ESRRG: variants seen among roughly 807,000 people sequenced by gnomAD.
The protein encoded by ESRRG is estrogen related receptor gamma.
Under a neutral mutation model 44.0 loss-of-function variants are expected in ESRRG, and 13 were observed. The observed-to-expected ratio is 0.30, with a 90% CI of 0.19 to 0.47. The LOEUF is 0.47. ESRRG is among the 20% of genes least tolerant of loss of function. The probability of loss-of-function intolerance (pLI) is 1.00; values close to 1 mark genes in which losing one functional copy is unlikely to be tolerated. For synonymous variants in ESRRG, 215 were observed against 214.6 expected, an observed-to-expected ratio of 1.00 and a Z score of -0.02; for missense variants, 395 against 580.6, an observed-to-expected ratio of 0.68 and a Z score of 3.29.
At chr1:216,620,510 G>C (rs1460718995) in intron 3 of ESRRG, among the ~76,000 whole-genome samples, 1 of 152,050 alleles carries the variant, frequency 6.6e-6, no homozygotes, top group East Asian at 1.9e-4. Flanking sequence ...TACCACTTAA[G>C]GACTGGCAAA....
chr1:216,672,705 A>G (rs1218691561), intron 2 of ESRRG, among the ~76,000 whole-genome samples: 3 of 152,048 alleles, frequency 2.0e-5, no homozygotes, highest in Non-Finnish European at 4.4e-5. Flanking sequence ...CCGTCTCTAC[A>G]AAAGAGTGAA....
At chr1:217,116,468 T>C (rs1169686552) in intron 1 of ESRRG, among the ~76,000 whole-genome samples, 1 of 152,202 alleles carries the variant, frequency 6.6e-6, no homozygotes, top group African/African-American at 2.4e-5. Context: ...CTACTTGAAA[T>C]ACAACATGAT....
At chr1:216,977,522 C>A (rs554765233) in intron 1 of ESRRG, among the ~76,000 whole-genome samples, 1 of 152,058 alleles carries the variant, frequency 6.6e-6, no homozygotes, top group Non-Finnish European at 1.5e-5. Context: ...GAAGCTGTAA[C>A]CCTTACTGAA....
chr1:217,118,116 C>T (rs1156819451), intron 1 of ESRRG, among the ~76,000 whole-genome samples: 1 of 152,152 alleles, frequency 6.6e-6, no homozygotes, highest in Non-Finnish European at 1.5e-5. Flanking sequence ...CTCAACAACC[C>T]TATGCAATAA....
chr1:216,633,780 G>A (rs2064729940), intron 3 of ESRRG, among the ~76,000 whole-genome samples: 1 of 152,128 alleles, frequency 6.6e-6, no homozygotes, highest in Admixed American at 6.5e-5. Flanking sequence ...TACATGACAT[G>A]CTTTCATGAC....
At chr1:216,969,248 T>A (rs906323825) in intron 1 of ESRRG, among the ~76,000 whole-genome samples, 1 of 152,184 alleles carries the variant, frequency 6.6e-6, no homozygotes, top group South Asian at 2.1e-4. Context: ...GGAGAATAAA[T>A]GTAAACATAG....
rs2073042035 is a variant in ESRRG, at chr1:216,976,915, C to T, written c.-105-37242G>A. Among the ~76,000 whole-genome samples the T allele has an allele frequency of 2.0e-5, 3 of 152,066 alleles. No individual in the cohort carries two copies. The South Asian group carries it at 6.2e-4, about 32-fold the overall frequency. On this transcript the variant is annotated intron_variant, in intron 1 of 7. Transcript: ENST00000359162. ...GGAAAAGAAGTGAATTTGGAGCTTC[C>T]CCTACTCTTTTTATTAGTTTAATTA... is the stretch of plus-strand genomic sequence containing the variant.
intron 2 of ESRRG, among the ~76,000 whole-genome samples, chr1:216,798,020 C>G (rs1268074614): frequency 6.6e-6 from 1 of 152,126 alleles, no homozygotes; most frequent in African/African-American, 2.4e-5. Context: ...CAAAAGTAAG[C>G]AGTATGGTTA....
intron 1 of ESRRG, among the ~76,000 whole-genome samples, chr1:217,031,928 A>C (rs1302543002): frequency 1.3e-5 from 2 of 152,164 alleles, no homozygotes; most frequent in East Asian, 3.9e-4. Context: ...TTTCTTTATA[A>C]ATTACTCAGT....
Position 216,612,798 on chromosome 1 carries a change from T to A in ESRRG, c.589+38175A>T, listed in dbSNP as rs531060669. On this transcript the variant is annotated intron_variant, in intron 3 of 6. Transcript: ENST00000408911. Reference sequence around the variant, plus strand: ...TACCTGTGAGCCTGCAGCAGCGCAGTGGAATAACTTAATAAATGGAAGTGG... The same window carrying A: ...TACCTGTGAGCCTGCAGCAGCGCAGAGGAATAACTTAATAAATGGAAGTGG... 1.1e-4 allele frequency among the ~76,000 whole-genome samples: 17 copies of A among 152,288 alleles called. No homozygotes were observed. In the East Asian group the frequency reaches 3.3e-3, roughly 29 times the overall value.
chr1:216,606,996 A>G (rs2060020240), intron 3 of ESRRG, among the ~76,000 whole-genome samples: 1 of 152,250 alleles, frequency 6.6e-6, no homozygotes, highest in South Asian at 2.1e-4. Context: ...ATCTGTAGAT[A>G]TTCTAGGGAA....
At chr1:216,563,022 C>A (rs1442675479) in intron 5 of ESRRG, among the ~76,000 whole-genome samples, 1 of 152,130 alleles carries the variant, frequency 6.6e-6, no homozygotes, top group African/African-American at 2.4e-5. Flanking sequence ...CAATCAAATT[C>A]TTATTCTTCT....
In ESRRG at chr1:216,807,807, T is replaced by C. The variant is rs12060574; in HGVS notation, c.-13-130316A>G. Among the ~76,000 whole-genome samples, 883 of 152,310 alleles carry C rather than the reference T, an allele frequency of 5.8e-3. 7 individuals are homozygous for C. The highest frequency in any genetic ancestry group is 0.02 in the African/African-American group (828 of 41,574). On this transcript the variant is annotated intron_variant, in intron 2 of 7. Transcript: ENST00000359162. Reference sequence around the variant, plus strand: ...GATGAGGATGGCTATCTAAGAAGCCTGGCTCATTAAATAGTATTAATGCTA... The same window carrying C: ...GATGAGGATGGCTATCTAAGAAGCCCGGCTCATTAAATAGTATTAATGCTA...
intron 2 of ESRRG, among the ~76,000 whole-genome samples, chr1:216,772,062 C>G (rs2093407434): frequency 6.6e-6 from 1 of 151,962 alleles, no homozygotes; most frequent in South Asian, 2.1e-4. Context: ...GCTTCACACA[C>G]TCAAATACCT....
At chr1:216,922,946 G>A in intron 2 of ESRRG, among the ~76,000 whole-genome samples, 1 of 151,664 alleles carries the variant, frequency 6.6e-6, no homozygotes, top group East Asian at 1.9e-4. Context: ...TGTTGTCACT[G>A]TTTATTAAAG....
chr1:216,570,605 T>C (rs1381421936), intron 3 of ESRRG, among the ~76,000 whole-genome samples: 1 of 152,188 alleles, frequency 6.6e-6, no homozygotes, highest in Non-Finnish European at 1.5e-5. Context: ...AAATTAAAAA[T>C]CTTAGTAGAA....
At chr1:217,023,841 A>G (rs929913356) in intron 1 of ESRRG, among the ~76,000 whole-genome samples, 3 of 152,100 alleles carry the variant, frequency 2.0e-5, no homozygotes, top group African/African-American at 4.8e-5. Flanking sequence ...GCCATCCCTA[A>G]CTGTCCATCA....
intron 1 of ESRRG, among the ~76,000 whole-genome samples, chr1:217,108,874 A>G (rs2092629892): frequency 1.3e-5 from 2 of 152,198 alleles, no homozygotes; most frequent in South Asian, 4.1e-4. Context: ...ACGGCCTAAC[A>G]CAGGATATGT....
intron 1 of ESRRG, among the ~76,000 whole-genome samples, chr1:216,953,192 G>A (rs1046841766): frequency 6.6e-6 from 1 of 151,994 alleles, no homozygotes; most frequent in Non-Finnish European, 1.5e-5. Flanking sequence ...CATCCATCTC[G>A]TTCACACTAA....
Sources: allele counts gnomAD v4.1 joint callset (sites outside exome capture counted in the v4.1 genomes callset), GRCh38; gene constraint gnomAD v4.1.1; transcripts MANE v1.5; gene names NCBI Gene and HGNC (gene_info 2026-07-23, HGNC 2026-07-21).